Variants in DISP1 observed in about 807,000 individuals in gnomAD.
The protein encoded by DISP1 is dispatched RND transporter family member 1.
DISP1 carries 30 observed loss-of-function variants against 37.3 expected under a neutral mutation model. That is an observed-to-expected ratio of 0.80 (90% CI 0.60 to 1.09). The LOEUF is 1.09. Among genes scored for constraint, DISP1 ranks in the 50% least tolerant of loss-of-function variants. The pLI, the probability that DISP1 is intolerant of heterozygous loss-of-function variation, is 0.00. For missense variants in DISP1, 1,598 were observed against 1,879.5 expected, an observed-to-expected ratio of 0.85 and a Z score of 2.77; for synonymous variants, 634 against 690.2, an observed-to-expected ratio of 0.92 and a Z score of 1.28.
chr1:222,959,209 A>G (rs143326478), intron 3 of DISP1, among the ~76,000 whole-genome samples: 2 of 152,330 alleles, frequency 1.3e-5, no homozygotes, highest in African/African-American at 4.8e-5. Flanking sequence ...TGACTAGTGA[A>G]GTAAGTGGAC....
chr1:222,935,608 C>T (rs1207380233), intron 2 of DISP1, among the ~76,000 whole-genome samples: 1 of 152,076 alleles, frequency 6.6e-6, no homozygotes, highest in Non-Finnish European at 1.5e-5. Context: ...TGGAAATAGC[C>T]AAGAGGTGTA....
intron 1 of DISP1, among the ~76,000 whole-genome samples, chr1:222,881,629 C>A (rs1213633659): frequency 6.6e-6 from 1 of 152,172 alleles, no homozygotes; most frequent in Non-Finnish European, 1.5e-5. Flanking sequence ...AGGTAAGAGC[C>A]ATGCTTGCAG....
At chr1:222,883,700 A>G (rs1670409779) in intron 1 of DISP1, among the ~76,000 whole-genome samples, 1 of 152,250 alleles carries the variant, frequency 6.6e-6, no homozygotes, top group South Asian at 2.1e-4. Context: ...AGGCATAAGC[A>G]TATTGTTAGT....
chr1:222,883,812 A>G (rs544961010), intron 1 of DISP1, among the ~76,000 whole-genome samples: 1 of 152,322 alleles, frequency 6.6e-6, no homozygotes, highest in Admixed American at 6.5e-5. Flanking sequence ...TATACTTAAA[A>G]CAAGGAAAAC....
chr1:222,962,109 C>A (rs1676110150), intron 3 of DISP1, among the ~76,000 whole-genome samples: 1 of 152,166 alleles, frequency 6.6e-6, no homozygotes, highest in African/African-American at 2.4e-5. Flanking sequence ...AATCAACGTG[C>A]AGAAATCACA....
intron 1 of DISP1, among the ~76,000 whole-genome samples, chr1:222,852,242 T>G (rs928588303): frequency 7.4e-5 from 5 of 67,376 alleles, no homozygotes; most frequent in Non-Finnish European, 1.1e-4. Flanking sequence ...GCATTTGGGG[T>G]TTTTTTTTTT....
intron 3 of DISP1, among the ~76,000 whole-genome samples, chr1:222,969,776 G>C (rs1222731570): frequency 6.6e-6 from 1 of 152,008 alleles, no homozygotes; most frequent in Admixed American, 6.6e-5. Context: ...ATCAAAAAGA[G>C]TTACAATGTT....
In DISP1 at chr1:222,994,995, A is replaced by C. The variant is rs1346278831; in HGVS notation, c.987+13A>C. The C allele has an allele frequency of 6.3e-7, 1 of 1,590,278 alleles. No homozygotes were observed. The highest frequency in any genetic ancestry group is 2.2e-5 in the East Asian group (1 of 44,692). ...AGATAATTCCAGGGTATGTAAGATA[A>C]AAACTAAAATCTCCTTAGCACAAAT... On this transcript the variant is annotated intron_variant, in intron 8 of 8. Coordinates refer to ENST00000675850, the MANE Select transcript of DISP1 (RefSeq NM_001377229.1).
At chr1:222,941,154 A>C (rs1558343803) in intron 2 of DISP1, among the ~76,000 whole-genome samples, 2 of 152,354 alleles carry the variant, frequency 1.3e-5, no homozygotes, top group South Asian at 2.1e-4. Flanking sequence ...CCTGGATCAC[A>C]TTAGTGCTCT....
At chr1:222,972,344 T>C (rs1677018446) in intron 3 of DISP1, among the ~76,000 whole-genome samples, 3 of 152,148 alleles carry the variant, frequency 2.0e-5, no homozygotes. Context: ...GTCACTGCAG[T>C]AGCTCCTAAC....
intron 3 of DISP1, among the ~76,000 whole-genome samples, chr1:222,969,728 ATATT>A (rs1383774163): frequency 6.6e-6 from 1 of 152,058 alleles, no homozygotes; most frequent in Admixed American, 6.6e-5. Context: ...TTTAATTTCT[ATATT>A]TAGGCAAAAA....
At chr1:222,901,729 A>G (rs1449626300) in intron 1 of DISP1, among the ~76,000 whole-genome samples, 1 of 152,080 alleles carries the variant, frequency 6.6e-6, no homozygotes, top group Non-Finnish European at 1.5e-5. Flanking sequence ...GGTTTCACCA[A>G]TTGGCCAGGC....
rs1481483940 is a variant in DISP1 at position 223,004,143 on chromosome 1, A to G, written c.2746A>G (p.Ile916Val). 1 of 1,614,204 alleles carries G rather than the reference A, an allele frequency of 6.2e-7. No homozygotes were observed. ...CAAAACCCCAGGGCCGAGGTTTGATATCAATGATACTATCAGGGCAGTGGT... is the reference window on the plus strand; with the variant it reads ...CAAAACCCCAGGGCCGAGGTTTGATGTCAATGATACTATCAGGGCAGTGGT... Reference protein sequence around the residue: ...DSKTPGPRFDINDTIRAVVLE... With the variant: ...DSKTPGPRFDVNDTIRAVVLE... Residue 916 changes from isoleucine (I) to valine (V), a missense_variant, in exon 9 of 9, where the codon ATC becomes GTC. Transcript: ENST00000675850. The surrounding 1 kb of genome is among the most constrained non-coding windows in gnomAD (Gnocchi z 4.9).
At chr1:222,939,804 C>A (rs979591734) in intron 2 of DISP1, among the ~76,000 whole-genome samples, 3 of 150,652 alleles carry the variant, frequency 2.0e-5, no homozygotes, top group Admixed American at 1.3e-4. Flanking sequence ...CTTCACTACA[C>A]CCTGGGCAAC....
At chr1:222,856,281 CTAAT>C in intron 1 of DISP1, among the ~76,000 whole-genome samples, 1 of 152,342 alleles carries the variant, frequency 6.6e-6, no homozygotes, top group East Asian at 1.9e-4. Context: ...CCAGATGAAA[CTAAT>C]AGTTCCAGGC....
At chr1:222,997,866 G>A in intron 8 of DISP1, among the ~76,000 whole-genome samples, 1 of 150,916 alleles carries the variant, frequency 6.6e-6, no homozygotes. Context: ...CTCAAGACAT[G>A]TGTCAAAATG....
At position 223,005,960 on chromosome 1, in the gene DISP1, A is replaced by G; in HGVS notation, c.4563A>G (p.Ile1521Met). Residue 1521 changes from isoleucine (I) to methionine (M), a missense_variant, in exon 9 of 9, where the codon ATA (isoleucine) becomes ATG (methionine). Physicochemically the swap from Ile to Met is conservative, Grantham distance 10 (BLOSUM62 1). Transcript: ENST00000675850. ...HSELSGESLLIKTL is the reference protein window; with the variant it reads ...HSELSGESLLMKTL ...AACTTTCTGGTGAAAGTTTGTTAAT[A>G]AAAACACTATAATAAATGCAGCATT... The G allele has an allele frequency of 6.2e-7, 1 of 1,613,060 alleles. No individual in the cohort carries two copies. Among genetic ancestry groups the G allele is most frequent in the South Asian group, 1.1e-5 (1 of 91,052 alleles).
chr1:222,947,188 G>T (rs1010240898), intron 3 of DISP1, among the ~76,000 whole-genome samples: 1 of 151,932 alleles, frequency 6.6e-6, no homozygotes, highest in Non-Finnish European at 1.5e-5. Context: ...GCCTGCCCCT[G>T]GAAACCACTA....
intron 4 of DISP1, among the ~76,000 whole-genome samples, chr1:222,987,054 TA>T (rs1678330848): frequency 6.6e-6 from 1 of 151,202 alleles, no homozygotes; most frequent in Non-Finnish European, 1.5e-5. Flanking sequence ...TGGATATATA[TA>T]TATATATATA....
Sources: gnomAD v4.1 joint callset for allele counts (sites outside exome capture counted in the v4.1 genomes callset) on GRCh38, gnomAD v4.1.1 for gene constraint, Gnocchi (gnomAD v3.1) non-coding constraint, MANE v1.5 for transcripts, NCBI Gene and HGNC (gene_info 2026-07-23, HGNC 2026-07-21) for gene names.